Variants in FAM163A observed in about 807,000 individuals in gnomAD.
FAM163A encodes the protein protein FAM163A.
Under a neutral mutation model 12.0 loss-of-function variants are expected in FAM163A, and 7 were observed. The ratio of observed to expected loss-of-function variants is 0.58; its 90% CI spans 0.33 to 1.10. FAM163A has a LOEUF of 1.10. Ranked by LOEUF, FAM163A falls within the 50% of genes least tolerant of loss-of-function variation. The probability of loss-of-function intolerance (pLI) is 0.03; values close to 1 mark genes in which losing one functional copy is unlikely to be tolerated. For missense variants in FAM163A, 202 were observed against 218.6 expected, an observed-to-expected ratio of 0.92 and a Z score of 0.48; for synonymous variants, 101 against 91.0, an observed-to-expected ratio of 1.11 and a Z score of -0.62.
At chr1:179,778,049 C>T (rs766942708) in intron 1 of FAM163A, among the ~76,000 whole-genome samples, 2 of 152,206 alleles carry the variant, frequency 1.3e-5, no homozygotes, top group Non-Finnish European at 2.9e-5. Context: ...AAATGCATGT[C>T]ATACCTTGAC....
intron 1 of FAM163A, among the ~76,000 whole-genome samples, chr1:179,802,497 A>C (rs1422364845): frequency 2.0e-5 from 3 of 152,202 alleles, no homozygotes. Flanking sequence ...GGTTGCCTCC[A>C]AGTCCCCGCC....
the FAM163A span, among the ~76,000 whole-genome samples, chr1:179,737,967 A>C: frequency 6.6e-6 from 1 of 152,228 alleles, no homozygotes; most frequent in Non-Finnish European, 1.5e-5. Flanking sequence ...TACGTTAAAT[A>C]GGTGCAGTTT....
At position 179,814,566 on chromosome 1, in the gene FAM163A, C is replaced by T. The variant is rs1292534176; in HGVS notation, c.*377C>T. On this transcript the variant is annotated 3_prime_UTR_variant, in exon 5 of 5. Coordinates refer to ENST00000341785, the MANE Select transcript of FAM163A (RefSeq NM_173509.3). ...CTCAGCAAAGGCTCAGGAGGCCTCC[C>T]GGGTCCTCGGGAGATGAAGCATCCG... 2 of 178,552 alleles carry T rather than the reference C, an allele frequency of 1.1e-5. No individual in the cohort carries two copies. Among genetic ancestry groups the T allele is most frequent in the Non-Finnish European group, 2.3e-5 (2 of 85,578 alleles). 11.1% of individuals were successfully genotyped at this position (178,552 alleles called of 1,614,324 possible).
intron 1 of FAM163A, among the ~76,000 whole-genome samples, chr1:179,798,805 T>C (rs1692751474): frequency 6.6e-6 from 1 of 152,204 alleles, no homozygotes; most frequent in Non-Finnish European, 1.5e-5. Context: ...ATCTCCCTGT[T>C]GCACTTGTGT....
At chr1:179,782,676 C>A (rs922013510) in intron 1 of FAM163A, among the ~76,000 whole-genome samples, 2 of 152,178 alleles carry the variant, frequency 1.3e-5, no homozygotes, top group Non-Finnish European at 2.9e-5. Context: ...CTGCCAGGCA[C>A]CTTCTTGGTT....
chr1:179,729,209 T>G, the FAM163A span, among the ~76,000 whole-genome samples: 1 of 152,224 alleles, frequency 6.6e-6, no homozygotes, highest in East Asian at 1.9e-4. Context: ...TATGTATTTG[T>G]GACTTCAACA....
intron 1 of FAM163A, among the ~76,000 whole-genome samples, chr1:179,807,506 C>T (rs116666049): frequency 6.6e-6 from 1 of 152,308 alleles, no homozygotes; most frequent in South Asian, 2.1e-4. Context: ...CTCGCCGTCA[C>T]CTCCCAGACA....
At chr1:179,748,532 A>C (rs1192356640) in intron 1 of FAM163A, among the ~76,000 whole-genome samples, 1 of 152,244 alleles carries the variant, frequency 6.6e-6, no homozygotes, top group East Asian at 1.9e-4. Context: ...AAGGATGAGC[A>C]AGGCATGGCC....
At chr1:179,773,238 A>C (rs1688503472) in intron 1 of FAM163A, among the ~76,000 whole-genome samples, 1 of 152,068 alleles carries the variant, frequency 6.6e-6, no homozygotes, top group Non-Finnish European at 1.5e-5. Context: ...TGGCTACCAA[A>C]GGATAGCACC....
At chr1:179,754,106 T>C (rs992473259) in intron 1 of FAM163A, among the ~76,000 whole-genome samples, 4 of 152,192 alleles carry the variant, frequency 2.6e-5, no homozygotes, top group African/African-American at 4.8e-5. Context: ...CTTGTCTTAC[T>C]TCCCATCTCT....
the FAM163A span, among the ~76,000 whole-genome samples, chr1:179,735,995 A>G: frequency 6.6e-6 from 1 of 152,190 alleles, no homozygotes; most frequent in Non-Finnish European, 1.5e-5. Flanking sequence ...ATGAAATTGA[A>G]CCCATTATCT....
the FAM163A span, among the ~76,000 whole-genome samples, chr1:179,737,801 C>G: frequency 6.6e-6 from 1 of 151,692 alleles, no homozygotes; most frequent in Non-Finnish European, 1.5e-5. Flanking sequence ...CACCACTACA[C>G]TCCAGCCTGG....
upstream of FAM163A, among the ~76,000 whole-genome samples, chr1:179,740,010 T>A (rs923977293): frequency 1.3e-5 from 2 of 152,208 alleles, no homozygotes; most frequent in Admixed American, 6.5e-5. Flanking sequence ...GCAGTCTCTT[T>A]AACAACTAAG....
intron 1 of FAM163A, among the ~76,000 whole-genome samples, chr1:179,769,321 A>ATTT (rs10645895): frequency 1.1e-4 from 16 of 145,856 alleles, no homozygotes; most frequent in South Asian, 2.2e-4. Flanking sequence ...AATTTTTTCA[A>ATTT]TTTTTTTTTT....
At chr1:179,731,517 A>T in the FAM163A span, among the ~76,000 whole-genome samples, 3 of 152,246 alleles carry the variant, frequency 2.0e-5, no homozygotes, top group Non-Finnish European at 4.4e-5. Flanking sequence ...TTGCTCCATA[A>T]GGCATGAAAT....
rs368454226 is a variant in FAM163A, at chr1:179,814,183, C to T, written c.498C>T (p.Asp166=). The change falls in exon 5 of 5, where the codon GAC becomes GAT. Residue 166 remains aspartate (D), a synonymous_variant. Transcript: ENST00000341785. ...AFTNPRAIST[D]V is the part of the protein sequence containing the mutation. Reference sequence around the variant, plus strand: ...CCAATCCAAGGGCTATTAGTACAGACGTGTAAATCCTTCCACCCCGACCCG... The same window carrying T: ...CCAATCCAAGGGCTATTAGTACAGATGTGTAAATCCTTCCACCCCGACCCG... 1.2e-6 allele frequency: 2 copies of T among 1,608,412 alleles called. No individual in the cohort carries two copies. The highest frequency in any genetic ancestry group is 1.7e-6 in the Non-Finnish European group (2 of 1,176,546).
intron 1 of FAM163A, among the ~76,000 whole-genome samples, chr1:179,796,294 A>G (rs1165853038): frequency 6.6e-6 from 1 of 152,088 alleles, no homozygotes; most frequent in Non-Finnish European, 1.5e-5. Flanking sequence ...TGGACAAGTC[A>G]TTCTCATTTA....
chr1:179,752,939 T>C (rs1434800228), intron 1 of FAM163A, among the ~76,000 whole-genome samples: 2 of 152,188 alleles, frequency 1.3e-5, no homozygotes, highest in Non-Finnish European at 2.9e-5. Context: ...TCAATCTCAC[T>C]ACTGGGTATT....
At chr1:179,738,601 A>G (rs539815883), upstream of FAM163A, among the ~76,000 whole-genome samples, 3 of 152,338 alleles carry the variant, frequency 2.0e-5, no homozygotes, top group South Asian at 6.2e-4. Context: ...AAAAGGCTAA[A>G]AAAAGAAAAA....
Sources: gnomAD v4.1 joint callset for allele counts (sites outside exome capture counted in the v4.1 genomes callset) on GRCh38, gnomAD v4.1.1 for gene constraint, MANE v1.5 for transcripts, NCBI Gene and HGNC (gene_info 2026-07-23, HGNC 2026-07-21) for gene names.